Variants in KIRREL1 observed in about 807,000 individuals in gnomAD.
KIRREL1 encodes kin of IRRE-like protein 1.
KIRREL1 carries 25 observed loss-of-function variants against 83.3 expected under a neutral mutation model. The ratio of observed to expected loss-of-function variants is 0.30; its 90% CI spans 0.22 to 0.42. KIRREL1 has a LOEUF of 0.42. Among genes scored for constraint, KIRREL1 ranks in the 10% least tolerant of loss-of-function variants. KIRREL1 has a pLI of 1.00. For synonymous variants in KIRREL1, 388 were observed against 410.4 expected, an observed-to-expected ratio of 0.95 and a Z score of 0.66; for missense variants, 812 against 1,032.3, an observed-to-expected ratio of 0.79 and a Z score of 2.92.
chr1:158,081,294 G>A (rs527751326), intron 3 of KIRREL1, among the ~76,000 whole-genome samples: 1 of 152,228 alleles, frequency 6.6e-6, no homozygotes, highest in East Asian at 1.9e-4. Context: ...TCTGTAAATT[G>A]GGGTTAATAT....
chr1:158,094,431 G>C lies in KIRREL1; in HGVS notation c.1797+41G>C, dbSNP rs902877440. 6.3e-7 allele frequency: 1 copy of C among 1,585,088 alleles called. No homozygotes were observed. The highest frequency in any genetic ancestry group is 8.6e-7 in the Non-Finnish European group (1 of 1,157,260). The stretch of plus-strand genomic sequence containing the variant: ...GGGGCCAGGGCATGAGGGCTGGTGG[G>C]CCAGTGGGTTTCTGAGGTCCTGTAG... On this transcript the variant is annotated intron_variant, in intron 14 of 14. Transcript: ENST00000359209. This position sits in a 1 kb window ranked among gnomAD's most constrained non-coding sequence, Gnocchi z 4.6.
At chr1:158,063,450 A>C (rs2101608242) in intron 1 of KIRREL1, among the ~76,000 whole-genome samples, 1 of 152,286 alleles carries the variant, frequency 6.6e-6, no homozygotes, top group East Asian at 1.9e-4. Flanking sequence ...CCCCCCATCA[A>C]GTCGGCCCTG....
Position 158,001,470 on chromosome 1 carries a change from T to C in KIRREL1, c.52+7742T>C, listed in dbSNP as rs114029530. On this transcript the variant is annotated intron_variant, in intron 1 of 14. Coordinates refer to ENST00000359209, the MANE Select transcript of KIRREL1 (RefSeq NM_018240.7). Reference sequence around the variant, plus strand: ...TATGACAGCAGGTGGTCCTTCCCTTTTAAGAAACTAAGATATACACACATG... The same window carrying C: ...TATGACAGCAGGTGGTCCTTCCCTTCTAAGAAACTAAGATATACACACATG... Among the ~76,000 whole-genome samples, 868 of 152,318 alleles carry C rather than the reference T, an allele frequency of 5.7e-3. 2 individuals carry two copies. The highest frequency in any genetic ancestry group is 0.016 in the South Asian group (79 of 4,820).
intron 3 of KIRREL1, among the ~76,000 whole-genome samples, chr1:158,081,551 AG>A (rs1661857133): frequency 6.6e-6 from 1 of 152,280 alleles, no homozygotes; most frequent in African/African-American, 2.4e-5. Context: ...CCACAGACTC[AG>A]GGGCACATGA....
At chr1:158,038,604 A>G (rs1660539490) in intron 1 of KIRREL1, among the ~76,000 whole-genome samples, 1 of 150,532 alleles carries the variant, frequency 6.6e-6, no homozygotes, top group African/African-American at 2.4e-5. Flanking sequence ...GAGATTACAG[A>G]CGTGATCTAC....
At chr1:158,033,834 G>T (rs1032277170) in intron 1 of KIRREL1, among the ~76,000 whole-genome samples, 1 of 152,074 alleles carries the variant, frequency 6.6e-6, no homozygotes, top group African/African-American at 2.4e-5. Context: ...ACAAAAATTA[G>T]CCAGGCATGG....
intron 3 of KIRREL1, among the ~76,000 whole-genome samples, chr1:158,082,077 T>C (rs74120550): frequency 0.11 from 16,682 of 152,002 alleles, 1,115 homozygotes; most frequent in African/African-American, 0.18. Context: ...CCCATCCCCA[T>C]CCTCAAACCT....
intron 1 of KIRREL1, among the ~76,000 whole-genome samples, chr1:157,998,012 A>G (rs1659252368): frequency 6.6e-6 from 1 of 152,102 alleles, no homozygotes; most frequent in Non-Finnish European, 1.5e-5. Flanking sequence ...CTAAGTAGCT[A>G]GGACCACACA....
chr1:158,078,964 A>C (rs959524626), intron 3 of KIRREL1, among the ~76,000 whole-genome samples: 1 of 148,612 alleles, frequency 6.7e-6, no homozygotes. Flanking sequence ...GCCCCCCCTC[A>C]CCCACTCAGC....
In KIRREL1 at chr1:158,100,138, T is replaced by C. The variant is rs2101656656; in HGVS notation, c.*5018T>C. ...TGTATCTGTGTGTCCCTCACACCTT[T>C]TCCTATTCTACTTTTTTTTCCTTTT... On this transcript the variant is annotated 3_prime_UTR_variant, in exon 15 of 15. Transcript: ENST00000359209. 6.6e-6 allele frequency: 1 copy of C among 151,834 alleles called. No individual in the cohort carries two copies. The highest frequency in any genetic ancestry group is 2.4e-5 in the African/African-American group (1 of 41,508). 9.4% of individuals were successfully genotyped at this position (151,834 alleles called of 1,614,324 possible). A position where few individuals can be genotyped will look rare whatever the true frequency, so the allele number is the denominator to read the frequency against.
chr1:158,064,973 G>C (rs1156821586), intron 1 of KIRREL1, among the ~76,000 whole-genome samples: 1 of 149,958 alleles, frequency 6.7e-6, no homozygotes, highest in African/African-American at 2.5e-5. Context: ...TGGGAAAGAG[G>C]GGCAAGAGTT....
chr1:158,027,594 A>C (rs1308178877), intron 1 of KIRREL1, among the ~76,000 whole-genome samples: 1 of 152,232 alleles, frequency 6.6e-6, no homozygotes, highest in African/African-American at 2.4e-5. Flanking sequence ...ATTCATTAGC[A>C]TACAGAAAGA....
At chr1:158,056,439 T>A (rs532901677) in intron 1 of KIRREL1, among the ~76,000 whole-genome samples, 1 of 151,984 alleles carries the variant, frequency 6.6e-6, no homozygotes, top group Non-Finnish European at 1.5e-5. Flanking sequence ...GGTCTAGGGG[T>A]GAGGGAGCAG....
At chr1:158,016,506 G>A (rs1014661608) in intron 1 of KIRREL1, among the ~76,000 whole-genome samples, 6 of 152,086 alleles carry the variant, frequency 3.9e-5, no homozygotes, top group African/African-American at 1.4e-4. Flanking sequence ...GCCTTGACCC[G>A]AGTAACACCC....
At chr1:158,036,050 T>C (rs1433945623) in intron 1 of KIRREL1, among the ~76,000 whole-genome samples, 1 of 152,200 alleles carries the variant, frequency 6.6e-6, no homozygotes, top group Non-Finnish European at 1.5e-5. Context: ...ACAGATACTT[T>C]TCCTAAACCA....
Position 158,097,094 on chromosome 1 carries a change from A to C in KIRREL1, c.*1974A>C, listed in dbSNP as rs576004111. 1 of 456,614 alleles carries C rather than the reference A, an allele frequency of 2.2e-6. No homozygotes were observed. The highest frequency in any genetic ancestry group is 2.0e-5 in the African/African-American group (1 of 50,200). 28.3% of individuals were successfully genotyped at this position (456,614 alleles called of 1,614,324 possible). ...ATTTCAGCAGGGAAAACTCCTGTGG[A>C]GTGGGCCCTATCTGGGGCATTTACA... On this transcript the variant is annotated 3_prime_UTR_variant, in exon 15 of 15. Coordinates refer to ENST00000359209, the MANE Select transcript of KIRREL1 (RefSeq NM_018240.7).
chr1:157,999,868 C>T (rs1394211246), intron 1 of KIRREL1, among the ~76,000 whole-genome samples: 2 of 152,186 alleles, frequency 1.3e-5, no homozygotes, highest in East Asian at 1.9e-4. Flanking sequence ...GGGAGAAATC[C>T]GTTCACTTTT....
intron 1 of KIRREL1, among the ~76,000 whole-genome samples, chr1:158,054,838 G>T (rs1661008510): frequency 6.6e-6 from 1 of 152,176 alleles, no homozygotes; most frequent in Non-Finnish European, 1.5e-5. Context: ...CCTGCAGAGA[G>T]ACCTGTGCTG....
chr1:158,046,617 T>G (rs1660785242), intron 1 of KIRREL1, among the ~76,000 whole-genome samples: 5 of 146,074 alleles, frequency 3.4e-5, no homozygotes, highest in South Asian at 2.3e-4. Flanking sequence ...GAGGAGGAGG[T>G]TGTGGAGCAG....
Sources: gnomAD v4.1 joint callset for allele counts (sites outside exome capture counted in the v4.1 genomes callset) on GRCh38, gnomAD v4.1.1 for gene constraint, Gnocchi (gnomAD v3.1) non-coding constraint, MANE v1.5 for transcripts, NCBI Gene and HGNC (gene_info 2026-07-23, HGNC 2026-07-21) for gene names.